The following PCDHGB7 variants were observed in gnomAD, a reference collection of about 807,000 sequenced individuals.
PCDHGB7 encodes protocadherin gamma-B7.
PCDHGB7 carries 37 observed loss-of-function variants against 61.4 expected under a neutral mutation model. The ratio of observed to expected loss-of-function variants is 0.60; its 90% CI spans 0.46 to 0.79. The LOEUF (loss-of-function observed/expected upper bound fraction) is 0.79. PCDHGB7 is among the 30% of genes least tolerant of loss of function. PCDHGB7 has a pLI of 0.00. For missense variants in PCDHGB7, 1,166 were observed against 1,202.5 expected (o/e 0.97, Z 0.45); for synonymous variants, 464 against 503.5 (o/e 0.92, Z 1.05).
At chr5:141,478,618 G>A (rs1374855853) in intron 1 of PCDHGB7, 1 of 1,556,056 alleles carries the variant, frequency 6.4e-7, no homozygotes, top group Non-Finnish European at 8.7e-7. Flanking sequence ...GGAAGGAATG[G>A]AGCTGTTTTT....
In PCDHGB7 at chr5:141,494,748, C is replaced by T. The variant is rs566281527; in HGVS notation, c.2416-59C>T. On this transcript the variant is annotated intron_variant, in intron 1 of 3. Coordinates refer to ENST00000398594, the MANE Select transcript of PCDHGB7 (RefSeq NM_018927.4). ...CTCTCCCGGCCCATCCCTAGGGGCTCGGGTGACATTCTAACTTCTCACGGG... is the reference window on the plus strand; with the variant it reads ...CTCTCCCGGCCCATCCCTAGGGGCTTGGGTGACATTCTAACTTCTCACGGG... 1.4e-5 allele frequency: 22 copies of T among 1,613,104 alleles called. No individual in the cohort carries two copies. The East Asian group carries it at 4.2e-4, about 31-fold the overall frequency.
intron 1 of PCDHGB7, among the ~76,000 whole-genome samples, chr5:141,470,752 C>T (rs1427502169): frequency 6.6e-6 from 1 of 152,178 alleles, no homozygotes; most frequent in Non-Finnish European, 1.5e-5. Flanking sequence ...GGCTGGAGTG[C>T]AGTGGACTCA....
At chr5:141,494,223 C>T (rs1435042163) in intron 1 of PCDHGB7, among the ~76,000 whole-genome samples, 2 of 152,192 alleles carry the variant, frequency 1.3e-5, no homozygotes, top group African/African-American at 4.8e-5. Context: ...TGGCATGACT[C>T]CTAAATTAAT....
rs558074504 is a variant in PCDHGB7 at position 141,489,065 on chromosome 5, C to A, written c.2416-5742C>A. ...CCACTCAAATTCAGCTCCCCTCCCCCCTGCCCACCCCCGCCACTCGGTGAC... is the reference window on the plus strand; with the variant it reads ...CCACTCAAATTCAGCTCCCCTCCCCACTGCCCACCCCCGCCACTCGGTGAC... On this transcript the variant is annotated intron_variant, in intron 1 of 3. Transcript: ENST00000398594. The surrounding 1 kb of genome is among the most constrained non-coding windows in gnomAD (Gnocchi z 4.5). 1,377 of 389,040 alleles carry A rather than the reference C, an allele frequency of 3.5e-3. 31 individuals carry two copies. Among genetic ancestry groups the A allele is most frequent in the Admixed American group, 9.8e-3 (226 of 22,946 alleles). 24.1% of individuals were successfully genotyped at this position (389,040 alleles called of 1,614,324 possible).
rs1340974686 is a variant in PCDHGB7, at chr5:141,477,604, C to T, written c.2416-17203C>T. The T allele has an allele frequency of 6.2e-7, 1 of 1,614,084 alleles. No individual in the cohort carries two copies. Among genetic ancestry groups the T allele is most frequent in the Non-Finnish European group, 8.5e-7 (1 of 1,180,054 alleles). ...AGAATGCTCGGCTTTCTTTCTTTCT[C>T]TTGGAGCAAGGAGCTGAAACCGGGC... On this transcript the variant is annotated intron_variant, in intron 1 of 3. Coordinates refer to ENST00000398594, the MANE Select transcript of PCDHGB7 (RefSeq NM_018927.4). The surrounding 1 kb of genome is among the most constrained non-coding windows in gnomAD (Gnocchi z 4.9).
At chr5:141,488,146 A>G (rs1458115635) in intron 1 of PCDHGB7, among the ~76,000 whole-genome samples, 2 of 152,164 alleles carry the variant, frequency 1.3e-5, no homozygotes, top group South Asian at 4.1e-4. Context: ...AACTAAAGGA[A>G]TAGAGAGGCA....
chr5:141,490,080 T>A lies in PCDHGB7; in HGVS notation c.2416-4727T>A, dbSNP rs2099695881. On this transcript the variant is annotated intron_variant, in intron 1 of 3. Coordinates refer to ENST00000398594, the MANE Select transcript of PCDHGB7 (RefSeq NM_018927.4). The surrounding 1 kb of genome is among the most constrained non-coding windows in gnomAD (Gnocchi z 5.4). ...GCACCAACGGCCAACTAGACTATTCTTTTGGAGACCACACATCTGAGGCAG... is the reference window on the plus strand; with the variant it reads ...GCACCAACGGCCAACTAGACTATTCATTTGGAGACCACACATCTGAGGCAG... The A allele has an allele frequency of 6.2e-7, 1 of 1,614,246 alleles. No homozygotes were observed. The highest frequency in any genetic ancestry group is 2.2e-5 in the East Asian group (1 of 44,884).
intron 1 of PCDHGB7, chr5:141,478,355 G>A: frequency 6.2e-7 from 1 of 1,613,742 alleles, no homozygotes; most frequent in Non-Finnish European, 8.5e-7. Context: ...CGCGGACGCC[G>A]TGCGGGGAGG....
chr5:141,475,870 C>CAGTT, intron 1 of PCDHGB7: 1 of 511,190 alleles, frequency 2.0e-6, no homozygotes, highest in East Asian at 3.3e-5. Context: ...ATTCTTCGTG[C>CAGTT]AGTTATTGGC....
At chr5:141,457,422 T>TC (rs1038085994) in intron 1 of PCDHGB7, among the ~76,000 whole-genome samples, 6 of 151,626 alleles carry the variant, frequency 4.0e-5, no homozygotes, top group African/African-American at 7.3e-5. Flanking sequence ...CATCCCTTTT[T>TC]CCCCCCCACC....
In PCDHGB7 at chr5:141,493,145, AG is replaced by A. The variant is rs11350413; in HGVS notation, c.2416-1660del. Among the ~76,000 whole-genome samples the A allele has an allele frequency of 0.17, 26,475 of 152,128 alleles. 2,528 individuals carry two copies. The highest frequency in any genetic ancestry group is 0.28 in the Admixed American group (4,206 of 15,272). ...TAGGACTGTATTTTGAAACACCCCC[AG>A]GTGATTTTGATAGCTGATTGAGAGA... is the stretch of plus-strand genomic sequence containing the variant. On this transcript the variant is annotated intron_variant, in intron 1 of 3. Transcript: ENST00000398594. The surrounding 1 kb of genome is among the most constrained non-coding windows in gnomAD (Gnocchi z 4.3).
chr5:141,456,783 C>G (rs1400541298), intron 1 of PCDHGB7, among the ~76,000 whole-genome samples: 3 of 151,802 alleles, frequency 2.0e-5, no homozygotes, highest in African/African-American at 4.8e-5. Flanking sequence ...GCCTACATGG[C>G]AAAACCCCAT....
intron 1 of PCDHGB7, among the ~76,000 whole-genome samples, chr5:141,433,653 T>C (rs1030084681): frequency 6.6e-6 from 1 of 152,024 alleles, no homozygotes; most frequent in Non-Finnish European, 1.5e-5. Flanking sequence ...CTGACCAACA[T>C]GGAGAAACCC....
At chr5:141,420,887 G>C (rs2096530920) in intron 1 of PCDHGB7, among the ~76,000 whole-genome samples, 1 of 152,204 alleles carries the variant, frequency 6.6e-6, no homozygotes, top group African/African-American at 2.4e-5. Context: ...GTGTATCATC[G>C]TTTTTAAGCT....
intron 1 of PCDHGB7, chr5:141,492,033 C>A: frequency 1.8e-6 from 1 of 548,342 alleles, no homozygotes; most frequent in Non-Finnish European, 3.1e-6. Flanking sequence ...CGGGAGGAGG[C>A]AGTCACAGAT....
At chr5:141,461,009 A>T (rs1407993113) in intron 1 of PCDHGB7, among the ~76,000 whole-genome samples, 1 of 151,542 alleles carries the variant, frequency 6.6e-6, no homozygotes, top group Admixed American at 6.6e-5. Flanking sequence ...GTATATATAT[A>T]TACCACATTT....
intron 1 of PCDHGB7, among the ~76,000 whole-genome samples, chr5:141,488,007 G>A (rs1269050547): frequency 6.6e-6 from 1 of 152,178 alleles, no homozygotes; most frequent in African/African-American, 2.4e-5. Flanking sequence ...ATCAGATTCT[G>A]AAGTACCTTA....
At chr5:141,465,152 G>C (rs1028596804) in intron 1 of PCDHGB7, among the ~76,000 whole-genome samples, 1 of 151,422 alleles carries the variant, frequency 6.6e-6, no homozygotes, top group African/African-American at 2.4e-5. Flanking sequence ...TATATGAAGG[G>C]ACTCTAAATG....
chr5:141,501,328 CACA>C (rs2099808027), intron 2 of PCDHGB7, among the ~76,000 whole-genome samples: 1 of 151,710 alleles, frequency 6.6e-6, no homozygotes, highest in Non-Finnish European at 1.5e-5. Context: ...CACACACACA[CACA>C]CACCCCAAAC....
Sources: allele counts gnomAD v4.1 joint callset (sites outside exome capture counted in the v4.1 genomes callset), GRCh38; gene constraint gnomAD v4.1.1; non-coding constraint Gnocchi (gnomAD v3.1); transcripts MANE v1.5; gene names NCBI Gene and HGNC (gene_info 2026-07-23, HGNC 2026-07-21).